Variants in FRAS1 observed in about 807,000 individuals in gnomAD.
FRAS1 encodes the protein extracellular matrix organizing protein FRAS1.
A neutral mutation model predicts 435.2 loss-of-function variants in FRAS1; 290 were observed. That is an observed-to-expected ratio of 0.67 (90% confidence interval 0.61 to 0.73). The LOEUF (loss-of-function observed/expected upper bound fraction) is 0.73, where lower values mean the gene tolerates loss of function less well. FRAS1 is among the 30% of genes least tolerant of loss of function. FRAS1 has a pLI of 0.00. For synonymous variants in FRAS1, 1,800 were observed against 1,851.0 expected (o/e 0.97, Z 0.71); for missense variants, 4,860 against 5,001.5 (o/e 0.97, Z 0.85).
At chr4:78,103,143 C>T (rs990982254) in intron 2 of FRAS1, among the ~76,000 whole-genome samples, 27 of 152,344 alleles carry the variant, frequency 1.8e-4, no homozygotes, top group African/African-American at 4.3e-4. Context: ...CCAGCCTCAA[C>T]ACCATGAAAG....
At chr4:78,103,017 A>C (rs1253154670) in intron 2 of FRAS1, among the ~76,000 whole-genome samples, 2 of 152,146 alleles carry the variant, frequency 1.3e-5, no homozygotes, top group African/African-American at 4.8e-5. Context: ...GAAACAGCTC[A>C]TTGCTTTCTA....
chr4:78,175,199 A>T (rs1235429362), intron 2 of FRAS1, among the ~76,000 whole-genome samples: 1 of 152,194 alleles, frequency 6.6e-6, no homozygotes, highest in Non-Finnish European at 1.5e-5. Context: ...CAAGATTTAC[A>T]TTTGGGCTCT....
intron 3 of FRAS1, among the ~76,000 whole-genome samples, 177 bp from the exon 4 acceptor site, chr4:78,245,056 C>T (rs1004253355): frequency 1.3e-5 from 2 of 152,050 alleles, no homozygotes; most frequent in Non-Finnish European, 2.9e-5. Context: ...TATCTTTGAG[C>T]GAAGCTTATC....
At chr4:78,503,420 C>T (rs568482742) in intron 61 of FRAS1, among the ~76,000 whole-genome samples, 1 of 152,308 alleles carries the variant, frequency 6.6e-6, no homozygotes, top group African/African-American at 2.4e-5. Context: ...AGAGATTCAA[C>T]TTCTTCCTGG....
chr4:78,196,343 T>G (rs1429545332), intron 2 of FRAS1, among the ~76,000 whole-genome samples: 1 of 152,170 alleles, frequency 6.6e-6, no homozygotes, highest in Non-Finnish European at 1.5e-5. Flanking sequence ...ATCTTATTGA[T>G]TGTAGTATCT....
chr4:78,387,624 T>G lies in FRAS1; in HGVS notation c.3898T>G (p.Ser1300Ala), dbSNP rs1327103346. The G allele has an allele frequency of 6.2e-7, 1 of 1,610,392 alleles. No individual in the cohort carries two copies. Among genetic ancestry groups the G allele is most frequent in the Admixed American group, 1.7e-5 (1 of 59,924 alleles). Residue 1300 changes from serine to alanine, a missense_variant, in exon 29 of 74, where the codon TCC becomes GCC. Coordinates refer to ENST00000512123, the MANE Select transcript of FRAS1 (RefSeq NM_025074.7). ...TGCTCATGATGGTTCAGACAGCACA[T>G]CCGATGTTGCAGTCTTGCAGGCCAA... ...HYAHDGSDST[S>A]DVAVLQANDG...
At chr4:78,391,569 T>C (rs759602925) in intron 29 of FRAS1, among the ~76,000 whole-genome samples, 1 of 152,232 alleles carries the variant, frequency 6.6e-6, no homozygotes. Context: ...TTCTTTTTCA[T>C]TAATTAAGAT....
At chr4:78,111,752 TAAAA>T (rs564909222) in intron 2 of FRAS1, among the ~76,000 whole-genome samples, 15,733 of 104,864 alleles carry the variant, frequency 0.15, 899 homozygotes, top group Non-Finnish European at 0.21. Flanking sequence ...TAGAGTATAA[TAAAA>T]AAAAAAAAAA....
At chr4:78,380,144 G>A in intron 27 of FRAS1, 148 bp downstream of exon 27, 1 of 844,788 alleles carries the variant, frequency 1.2e-6, no homozygotes, top group Non-Finnish European at 1.8e-6. Context: ...ACTCTCAGCT[G>A]CCTGTCATCA....
At chr4:78,245,188 T>A (rs1346579572) in intron 3 of FRAS1, 45 bp from the exon 4 acceptor site, 6 of 1,290,660 alleles carry the variant, frequency 4.6e-6, no homozygotes, top group Middle Eastern at 1.8e-4. Context: ...TGTGACTTGG[T>A]GTGTGCTGCT....
At chr4:78,237,757 A>T (rs1462899972) in intron 3 of FRAS1, 140 bp downstream of exon 3, 2 of 465,956 alleles carry the variant, frequency 4.3e-6, no homozygotes, top group Non-Finnish European at 7.6e-6. Flanking sequence ...GAGAATTTTA[A>T]CGTATTGCAT....
At chr4:78,514,385 A>G (rs562587069) in intron 65 of FRAS1, among the ~76,000 whole-genome samples, 10 of 152,370 alleles carry the variant, frequency 6.6e-5, no homozygotes, top group South Asian at 4.1e-4. Flanking sequence ...GTGCACATTA[A>G]ATGCATATTT....
chr4:78,316,163 G>A (rs1296068891), intron 16 of FRAS1, among the ~76,000 whole-genome samples: 3 of 152,190 alleles, frequency 2.0e-5, no homozygotes, highest in Non-Finnish European at 4.4e-5. Context: ...GCTAAAGTCT[G>A]TATCTACTGG....
Position 78,473,475 on chromosome 4 carries a change from C to T in FRAS1, c.7560C>T (p.His2520=). 1 of 1,613,332 alleles carries T rather than the reference C, an allele frequency of 6.2e-7. No individual in the cohort carries two copies. Reference sequence around the variant, plus strand: ...TGGGGTTGATTCGTTATGTGTTGCACAAGGAGAAGATCCGTGAGATGATGG... The same window carrying T: ...TGGGGTTGATTCGTTATGTGTTGCATAAGGAGAAGATCCGTGAGATGATGG... The part of the protein sequence containing the change: ...VNLGLIRYVL[H]KEKIREMMDS... The change falls in exon 53 of 74, where the codon CAC becomes CAT. Residue 2520 remains histidine, a synonymous_variant. Transcript: ENST00000512123.
At chr4:78,289,117 G>T (rs1469517406) in intron 14 of FRAS1, among the ~76,000 whole-genome samples, 1 of 152,046 alleles carries the variant, frequency 6.6e-6, no homozygotes, top group South Asian at 2.1e-4. Flanking sequence ...TGAATAAAGG[G>T]CAGAGTTGAA....
At chr4:78,231,065 C>G (rs527354496) in intron 2 of FRAS1, among the ~76,000 whole-genome samples, 1 of 152,242 alleles carries the variant, frequency 6.6e-6, no homozygotes, top group African/African-American at 2.4e-5. Flanking sequence ...AACGATTCTC[C>G]TGCCTCAGCC....
In FRAS1 at chr4:78,374,791, G is replaced by C. The variant is rs146099376; in HGVS notation, c.3151+540G>C. ...CATCATATCTATCAAAACTTGGTTC[G>C]TATGCCCCACTGTAATACTTGACAT... On this transcript the variant is annotated intron_variant, in intron 25 of 73. Coordinates refer to ENST00000512123, the MANE Select transcript of FRAS1 (RefSeq NM_025074.7). 2.0e-3 allele frequency among the ~76,000 whole-genome samples: 299 copies of C among 152,232 alleles called. 1 individual carries two copies. The highest frequency in any genetic ancestry group is 7.0e-3 in the African/African-American group (289 of 41,544).
chr4:78,076,010 A>C (rs776893664), intron 2 of FRAS1, among the ~76,000 whole-genome samples: 1 of 152,114 alleles, frequency 6.6e-6, no homozygotes, highest in African/African-American at 2.4e-5. Context: ...AATGGAAATC[A>C]TTTGCTCTTG....
intron 17 of FRAS1, among the ~76,000 whole-genome samples, chr4:78,318,550 G>C (rs1439517556): frequency 6.6e-6 from 1 of 152,160 alleles, no homozygotes; most frequent in Non-Finnish European, 1.5e-5. Flanking sequence ...TGCTGTTTTT[G>C]CTCATTTGTT....
Sources: gnomAD v4.1 joint callset for allele counts (sites outside exome capture counted in the v4.1 genomes callset) on GRCh38, gnomAD v4.1.1 for gene constraint, MANE v1.5 for transcripts, NCBI Gene and HGNC (gene_info 2026-07-23, HGNC 2026-07-21) for gene names.